Variants in TRABD2B observed in about 807,000 individuals in gnomAD.
TRABD2B encodes metalloprotease TIKI2.
A neutral mutation model predicts 40.1 loss-of-function variants in TRABD2B; 14 were observed. That is an observed-to-expected ratio of 0.35 (90% CI 0.23 to 0.55). The LOEUF (loss-of-function observed/expected upper bound fraction) is 0.55. Ranked by LOEUF, TRABD2B falls within the 20% of genes least tolerant of loss-of-function variation. The pLI is 0.90. For missense variants in TRABD2B, 541 were observed against 648.6 expected (o/e 0.83, Z 1.80); for synonymous variants, 263 against 277.0 (o/e 0.95, Z 0.50).
intron 2 of TRABD2B, among the ~76,000 whole-genome samples, chr1:47,890,283 T>C (rs1644426786): frequency 6.6e-6 from 1 of 152,132 alleles, no homozygotes; most frequent in Non-Finnish European, 1.5e-5. Context: ...CTGTGATGGA[T>C]GTAATAGCAG....
At chr1:47,770,650 G>A (rs1644365960) in intron 6 of TRABD2B, among the ~76,000 whole-genome samples, 5 of 152,226 alleles carry the variant, frequency 3.3e-5, no homozygotes, top group Admixed American at 3.3e-4. Context: ...GCTCTTCAGT[G>A]GCACCACACT....
chr1:47,776,646 A>G (rs1431788076), intron 5 of TRABD2B, among the ~76,000 whole-genome samples: 1 of 152,196 alleles, frequency 6.6e-6, no homozygotes, highest in African/African-American at 2.4e-5. Flanking sequence ...TTTTAGGGAC[A>G]TGTGATCCTG....
intron 2 of TRABD2B, among the ~76,000 whole-genome samples, chr1:47,955,917 A>G (rs1490683337): frequency 6.6e-6 from 1 of 152,090 alleles, no homozygotes; most frequent in Non-Finnish European, 1.5e-5. Context: ...AGCAGCCTGT[A>G]CCTCCTAGGC....
intron 2 of TRABD2B, among the ~76,000 whole-genome samples, chr1:47,814,119 A>T (rs902663156): frequency 6.6e-6 from 1 of 152,274 alleles, no homozygotes; most frequent in African/African-American, 2.4e-5. Flanking sequence ...GGGAAAGAAA[A>T]GGAATTCCAG....
chr1:47,962,237 T>A (rs1349993817), intron 2 of TRABD2B, among the ~76,000 whole-genome samples: 2 of 151,842 alleles, frequency 1.3e-5, no homozygotes, highest in Non-Finnish European at 2.9e-5. Flanking sequence ...GGGGGAGGGA[T>A]AGCATTAGGA....
intron 2 of TRABD2B, among the ~76,000 whole-genome samples, chr1:47,948,314 T>G (rs1026628359): frequency 6.6e-6 from 1 of 152,104 alleles, no homozygotes; most frequent in African/African-American, 2.4e-5. Flanking sequence ...ATAAGCAAAA[T>G]GGCTTTGCAA....
At chr1:47,862,688 C>T (rs1418167646) in intron 2 of TRABD2B, among the ~76,000 whole-genome samples, 2 of 152,082 alleles carry the variant, frequency 1.3e-5, no homozygotes, top group East Asian at 3.9e-4. Flanking sequence ...CAACACAATC[C>T]TAATCAAAAT....
intron 2 of TRABD2B, among the ~76,000 whole-genome samples, chr1:47,939,024 G>C (rs540373634): frequency 6.6e-6 from 1 of 152,122 alleles, no homozygotes; most frequent in African/African-American, 2.4e-5. Context: ...AAGATGAGTG[G>C]CATGCAGGAA....
At chr1:47,909,350 C>A (rs956128532) in intron 2 of TRABD2B, among the ~76,000 whole-genome samples, 6 of 151,326 alleles carry the variant, frequency 4.0e-5, no homozygotes, top group Admixed American at 1.3e-4. Flanking sequence ...CCACTCCTGG[C>A]GGAAGGAGAA....
chr1:47,880,550 T>C (rs749608161), intron 2 of TRABD2B, among the ~76,000 whole-genome samples: 3 of 152,166 alleles, frequency 2.0e-5, no homozygotes, highest in Non-Finnish European at 4.4e-5. Context: ...ACAGGGGCTA[T>C]GAGAGAACAG....
chr1:47,868,818 A>C (rs10890510), intron 2 of TRABD2B, among the ~76,000 whole-genome samples: 48,515 of 152,024 alleles, frequency 0.32, 8,082 homozygotes, highest in Non-Finnish European at 0.37. Context: ...TCTGCCTAGA[A>C]ACATAAAGGA....
intron 2 of TRABD2B, among the ~76,000 whole-genome samples, chr1:47,903,556 GA>G (rs886886760): frequency 6.6e-6 from 1 of 152,144 alleles, no homozygotes; most frequent in Non-Finnish European, 1.5e-5. Flanking sequence ...ATTGTGTGAG[GA>G]GGGAGGCAGT....
At chr1:47,960,445 T>C (rs1279577925) in intron 2 of TRABD2B, among the ~76,000 whole-genome samples, 2 of 152,220 alleles carry the variant, frequency 1.3e-5, no homozygotes, top group Non-Finnish European at 2.9e-5. Flanking sequence ...GCAGATGACA[T>C]GATTGTATAT....
chr1:47,782,348 G>A (rs1248511994), intron 4 of TRABD2B, among the ~76,000 whole-genome samples: 1 of 152,128 alleles, frequency 6.6e-6, no homozygotes, highest in Non-Finnish European at 1.5e-5. Context: ...ATCACCTTCT[G>A]CCTGAATCAC....
chr1:47,989,701 TTC>T (rs1026862621), intron 2 of TRABD2B, among the ~76,000 whole-genome samples: 5 of 151,678 alleles, frequency 3.3e-5, no homozygotes, highest in South Asian at 2.1e-4. Context: ...CACTTTTCAA[TTC>T]TCTCTCTCTC....
intron 2 of TRABD2B, among the ~76,000 whole-genome samples, chr1:47,943,944 A>G (rs1461476901): frequency 6.6e-6 from 1 of 152,246 alleles, no homozygotes; most frequent in African/African-American, 2.4e-5. Context: ...TATGTCTTCT[A>G]ATCAATGCTG....
intron 2 of TRABD2B, among the ~76,000 whole-genome samples, chr1:47,809,665 C>T (rs1210874052): frequency 6.6e-6 from 1 of 152,192 alleles, no homozygotes; most frequent in East Asian, 1.9e-4. Flanking sequence ...AAAGCCATGC[C>T]GACTACCTCC....
chr1:47,788,510 G>A (rs1465475150), intron 4 of TRABD2B, among the ~76,000 whole-genome samples: 1 of 152,166 alleles, frequency 6.6e-6, no homozygotes, highest in Non-Finnish European at 1.5e-5. Flanking sequence ...TTCAAGTTCT[G>A]CCTTCTGCCT....
chr1:47,969,736 T>C lies in TRABD2B; in HGVS notation c.666+24298A>G, dbSNP rs543825349. On this transcript the variant is annotated intron_variant, in intron 2 of 6. Transcript: ENST00000606738. ...ATTTGGCCTAAAAAGAAAGGCCAAATAGAATCAGATTCACAAACCTAGTGT... is the reference window on the plus strand; with the variant it reads ...ATTTGGCCTAAAAAGAAAGGCCAAACAGAATCAGATTCACAAACCTAGTGT... Among the ~76,000 whole-genome samples, 126 of 152,286 alleles carry C rather than the reference T, an allele frequency of 8.3e-4. 1 individual carries two copies. Among genetic ancestry groups the C allele is most frequent in the African/African-American group, 2.8e-3 (117 of 41,556 alleles).
Sources: allele counts gnomAD v4.1 joint callset (sites outside exome capture counted in the v4.1 genomes callset), GRCh38; gene constraint gnomAD v4.1.1; transcripts MANE v1.5; gene names NCBI Gene and HGNC (gene_info 2026-07-23, HGNC 2026-07-21).